The following CEP57L1 variants were observed in gnomAD, a reference collection of about 807,000 sequenced individuals.
CEP57L1 encodes centrosomal protein 57 like 1.
A neutral mutation model predicts 61.0 loss-of-function variants in CEP57L1; 37 were observed. That is an observed-to-expected ratio of 0.61 (90% confidence interval 0.47 to 0.80). The LOEUF (loss-of-function observed/expected upper bound fraction) is 0.80, where lower values mean the gene tolerates loss of function less well. Ranked by LOEUF, CEP57L1 falls within the 30% of genes least tolerant of loss-of-function variation. CEP57L1 has a pLI of 0.00. For synonymous variants in CEP57L1, 137 were observed against 162.3 expected (o/e 0.84, Z 1.19); for missense variants, 422 against 524.7 (o/e 0.80, Z 1.91).
Position 109,172,477 on chromosome 6 carries a change from A to G in CEP57L1, c.*9507A>G, listed in dbSNP as rs1164812577. ...TTAAAACATTCATATCAGGCAGGATAGTCCAAGGACTTAGAGGTTATCTTG... is the reference window on the plus strand; with the variant it reads ...TTAAAACATTCATATCAGGCAGGATGGTCCAAGGACTTAGAGGTTATCTTG... On this transcript the variant is annotated 3_prime_UTR_variant, in exon 11 of 11. Transcript: ENST00000517392. Among the ~76,000 whole-genome samples, 3 of 152,268 alleles carry G rather than the reference A, an allele frequency of 2.0e-5. No homozygotes were observed. The highest frequency in any genetic ancestry group is 7.2e-5 in the African/African-American group (3 of 41,478).
Position 109,162,948 on chromosome 6 carries a change from A to T in CEP57L1, c.1361A>T (p.Asp454Val), listed in dbSNP as rs531843965. The T allele has an allele frequency of 4.1e-5, 66 of 1,611,302 alleles. 1 individual carries two copies. In the South Asian group the frequency reaches 7.1e-4, roughly 17 times the overall value. ...AATCTTCAAATGAAATTGAGAAGAG[A>T]TGATATCATGTGGGAACAGTAACAA... Reference protein sequence around the residue: ...VHNLQMKLRRDDIMWEQ With the variant: ...VHNLQMKLRRVDIMWEQ The change falls in exon 11 of 11, where the codon GAT (aspartate) becomes GTT (valine). Residue 454 changes from aspartate to valine, a missense_variant. By Grantham distance (152) the Asp-to-Val change is radical. Coordinates refer to ENST00000517392, the MANE Select transcript of CEP57L1 (RefSeq NM_001271852.3).
chr6:109,122,941 T>G (rs1773143449), intron 1 of CEP57L1, among the ~76,000 whole-genome samples: 1 of 152,190 alleles, frequency 6.6e-6, no homozygotes, highest in Admixed American at 6.5e-5. Context: ...TGCTCATTCC[T>G]TCAGTGATCT....
In CEP57L1 at chr6:109,162,942, G is replaced by A. The variant is rs1248231743; in HGVS notation, c.1355G>A (p.Arg452Lys). The A allele has an allele frequency of 6.2e-7, 1 of 1,612,034 alleles. No homozygotes were observed. The highest frequency in any genetic ancestry group is 8.5e-7 in the Non-Finnish European group (1 of 1,178,826). ...GTTCATAATCTTCAAATGAAATTGA[G>A]AAGAGATGATATCATGTGGGAACAG... ...IRVHNLQMKL[R>K]RDDIMWEQ Residue 452 changes from arginine to lysine, a missense_variant, in exon 11 of 11, where the codon AGA becomes AAA. Coordinates refer to ENST00000517392, the MANE Select transcript of CEP57L1 (RefSeq NM_001271852.3).
At chr6:109,147,045 T>G (rs1397321765) in intron 3 of CEP57L1, 108 bp downstream of exon 3, 3 of 843,748 alleles carry the variant, frequency 3.6e-6, no homozygotes, top group Non-Finnish European at 5.3e-6. Flanking sequence ...TTCTTATATA[T>G]ATTCAAACTT....
chr6:109,139,850 T>C (rs1275872173), intron 1 of CEP57L1, among the ~76,000 whole-genome samples: 2 of 152,108 alleles, frequency 1.3e-5, no homozygotes, highest in African/African-American at 4.8e-5. Flanking sequence ...CAGGCTGGTC[T>C]CGAACTCTTG....
At chr6:109,154,307 T>C (rs548264249) in intron 5 of CEP57L1, among the ~76,000 whole-genome samples, 4 of 152,302 alleles carry the variant, frequency 2.6e-5, no homozygotes, top group East Asian at 3.9e-4. Context: ...TTCCATTTTA[T>C]AGGGTTTTCT....
chr6:109,112,784 G>A (rs1041212164), intron 1 of CEP57L1, among the ~76,000 whole-genome samples: 3 of 152,108 alleles, frequency 2.0e-5, no homozygotes, highest in Admixed American at 1.3e-4. Context: ...AGTTATTCGG[G>A]AGCAGGTTAT....
At chr6:109,127,143 C>T (rs528729364) in intron 1 of CEP57L1, among the ~76,000 whole-genome samples, 73 of 152,036 alleles carry the variant, frequency 4.8e-4, no homozygotes, top group Middle Eastern at 3.4e-3. Flanking sequence ...TCCAGCCTGG[C>T]GACAGAGCGA....
At position 109,165,930 on chromosome 6, in the gene CEP57L1, GT is replaced by G. The variant is rs1173363795; in HGVS notation, c.*2963del. The G allele has an allele frequency of 6.6e-6, 1 of 152,164 alleles. No homozygotes were observed. The highest frequency in any genetic ancestry group is 1.9e-4 in the East Asian group (1 of 5,200). The allele number at this position is 152,164 out of a possible 1,614,324, so 9.4% of individuals were successfully genotyped here. On this transcript the variant is annotated 3_prime_UTR_variant, in exon 11 of 11. Coordinates refer to ENST00000517392, the MANE Select transcript of CEP57L1 (RefSeq NM_001271852.3). ...GTTCACTTAAGTAAAAAACAGATTT[GT>G]TTGGTTTTTATGTAATTAGAAATTG...
intron 1 of CEP57L1, among the ~76,000 whole-genome samples, chr6:109,122,496 A>G (rs1773086283): frequency 6.6e-6 from 1 of 152,074 alleles, no homozygotes; most frequent in Non-Finnish European, 1.5e-5. Context: ...ATTGTGGCTT[A>G]GATTTGATCA....
intron 1 of CEP57L1, among the ~76,000 whole-genome samples, chr6:109,118,418 C>T (rs909473814): frequency 9.2e-5 from 14 of 152,302 alleles, no homozygotes; most frequent in African/African-American, 2.2e-4. Context: ...TATTTGACAA[C>T]GTATGCTGTT....
chr6:109,104,976 G>T (rs983730131), intron 1 of CEP57L1, among the ~76,000 whole-genome samples: 7 of 152,074 alleles, frequency 4.6e-5, no homozygotes, highest in Admixed American at 4.6e-4. Flanking sequence ...GATCAATGAA[G>T]TAGAACGTTT....
Position 109,120,607 on chromosome 6 carries a change from G to A in CEP57L1, c.-3-24612G>A, listed in dbSNP as rs553632480. On this transcript the variant is annotated intron_variant, in intron 1 of 10. Coordinates refer to ENST00000517392, the MANE Select transcript of CEP57L1 (RefSeq NM_001271852.3). The stretch of plus-strand genomic sequence containing the variant: ...TGTGGATATTAAAAAACATGTTAAC[G>A]GGGGTTCTGTGTAATGGGATTATGG... Among the ~76,000 whole-genome samples the A allele has an allele frequency of 5.5e-4, 84 of 151,796 alleles. 1 individual carries two copies. The South Asian group carries it at 0.017, about 30-fold the overall frequency.
rs1329043532 is a variant in CEP57L1 at position 109,162,911 on chromosome 6, A to G, written c.1324A>G (p.Ile442Val). 4.3e-6 allele frequency: 7 copies of G among 1,613,122 alleles called. No homozygotes were observed. Among genetic ancestry groups the G allele is most frequent in the Admixed American group, 1.7e-5 (1 of 59,972 alleles). Residue 442 changes from isoleucine to valine, a missense_variant, in exon 11 of 11, where the codon ATA becomes GTA. By Grantham distance (29) the Ile-to-Val change is conservative. Transcript: ENST00000517392. Reference protein sequence around the residue: ...LFQKNSSFHPIRVHNLQMKLR... With the variant: ...LFQKNSSFHPVRVHNLQMKLR... ...TCAGAAAAACAGCAGCTTTCATCCA[A>G]TACGAGTTCATAATCTTCAAATGAA...
intron 4 of CEP57L1, 78 bp downstream of exon 4, chr6:109,150,317 C>T: frequency 6.6e-7 from 1 of 1,524,570 alleles, no homozygotes; most frequent in Non-Finnish European, 9.0e-7. Context: ...CGGGAAAATT[C>T]AAAGGCAAAG....
Position 109,146,872 on chromosome 6 carries a change from A to G in CEP57L1, c.275A>G (p.Lys92Arg). The change falls in exon 3 of 11, where the codon AAG (lysine) becomes AGG (arginine). Residue 92 changes from lysine to arginine, a missense_variant. Physicochemically the swap from Lys to Arg is conservative, Grantham distance 26 (BLOSUM62 2). Transcript: ENST00000517392. ...TCCAGAGAAGCAGCACAGTATAAGA[A>G]GGCCTTAGAGAATGAAACAAATGAG... Reference protein sequence around the residue: ...ILSREAAQYKKALENETNERN... With the variant: ...ILSREAAQYKRALENETNERN... 6.2e-7 allele frequency: 1 copy of G among 1,610,284 alleles called. No individual in the cohort carries two copies. The highest frequency in any genetic ancestry group is 2.2e-5 in the East Asian group (1 of 44,584).
At chr6:109,160,757 A>G in intron 10 of CEP57L1, 41 bp downstream of exon 10, 7 of 1,557,016 alleles carry the variant, frequency 4.5e-6, no homozygotes, top group East Asian at 2.3e-5. Context: ...AAAACACAAA[A>G]TATCTGGATT....
intron 1 of CEP57L1, among the ~76,000 whole-genome samples, chr6:109,142,001 T>G (rs1441767756): frequency 6.6e-6 from 1 of 152,230 alleles, no homozygotes; most frequent in Non-Finnish European, 1.5e-5. Context: ...AGCAGTCCTA[T>G]GGAATAAGTG....
intron 1 of CEP57L1, among the ~76,000 whole-genome samples, chr6:109,122,264 G>C (rs1372766600): frequency 6.6e-6 from 1 of 152,160 alleles, no homozygotes; most frequent in African/African-American, 2.4e-5. Context: ...GCAAAGCTAG[G>C]TGAATACTGG....
Sources: gnomAD v4.1 joint callset for allele counts (sites outside exome capture counted in the v4.1 genomes callset) on GRCh38, gnomAD v4.1.1 for gene constraint, MANE v1.5 for transcripts, NCBI Gene and HGNC (gene_info 2026-07-23, HGNC 2026-07-21) for gene names.